The following GSTT4 variants were observed in gnomAD, a reference collection of about 807,000 sequenced individuals.
GSTT4 encodes the protein glutathione S-transferase theta 4, also known as glutathione S-transferase theta-4.
At chr22:23,992,066 A>C in the GSTT4 span, among the ~76,000 whole-genome samples, 1 of 149,042 alleles carries the variant, frequency 6.7e-6, no homozygotes, top group Admixed American at 6.7e-5. Context: ...AAAAAAAAAA[A>C]AAAAAAAGGA....
downstream of GSTT4, among the ~76,000 whole-genome samples, chr22:23,995,128 T>TGACTTGAACTGCTGATGG (rs2034103112): frequency 2.0e-5 from 3 of 151,036 alleles, no homozygotes. Context: ...ACAAGTTTTT[T>TGACTTGAACTGCTGATGG]TTTTGTTTGT....
downstream of GSTT4, among the ~76,000 whole-genome samples, chr22:23,998,174 ATT>A (rs71688406): frequency 0.022 from 3,413 of 152,138 alleles, 22 homozygotes; most frequent in African/African-American, 0.077. Context: ...AGTGTATGCG[ATT>A]GGTTAATCGT....
chr22:24,004,721 C>G (rs536888620), intron 1 of GSTT4: 2 of 153,866 alleles, frequency 1.3e-5, no homozygotes, highest in African/African-American at 2.4e-5. Context: ...CCCTTCTCCT[C>G]GAAAAGCCTG....
the GSTT4 span, among the ~76,000 whole-genome samples, chr22:23,990,816 T>C: frequency 2.0e-3 from 138 of 68,344 alleles, no homozygotes; most frequent in Middle Eastern, 8.8e-3. Flanking sequence ...TGCTGTGCCC[T>C]CTCTAAACCT....
At chr22:24,002,558 C>CGGTGGCTCACGCCTGTAAT (rs1163524300) in intron 2 of GSTT4, among the ~76,000 whole-genome samples, 3 of 36,376 alleles carry the variant, frequency 8.2e-5, no homozygotes, top group Non-Finnish European at 1.7e-4. Flanking sequence ...TGGCTGGGCA[C>CGGTGGCTCACGCCTGTAAT]GGTGGCTCAC....
Position 24,001,215 on chromosome 22 carries a change from G to T in GSTT4, c.311C>A (p.Thr104Lys), listed in dbSNP as rs1214597412. The T allele has an allele frequency of 6.7e-6, 1 of 150,364 alleles. No homozygotes were observed. The highest frequency in any genetic ancestry group is 1.5e-5 in the Non-Finnish European group (1 of 67,588). 9.3% of individuals were successfully genotyped at this position (150,364 alleles called of 1,614,324 possible). A position where few individuals can be genotyped will look rare whatever the true frequency, so the allele number is the denominator to read the frequency against. Residue 104 changes from threonine (T) to lysine (K), a missense_variant, in exon 3 of 5, where the codon ACG becomes AAG. By Grantham distance (78) the Thr-to-Lys change is moderately conservative. Coordinates refer to ENST00000621179, the MANE Select transcript of GSTT4 (RefSeq NM_001358664.2). ...CTTCTTCATGGGCAGCTGAAAGGCC[G>T]TGTGTTGCCAAGCCACGAACTCATC... ...RVDEFVAWQH[T>K]AFQLPMKKIV...
intron 1 of GSTT4, chr22:24,004,989 T>G (rs1418368919): frequency 6.6e-6 from 1 of 152,104 alleles, no homozygotes; most frequent in Non-Finnish European, 1.5e-5. Flanking sequence ...GCCAACATGG[T>G]GAAACCCCTG....
the GSTT4 span, among the ~76,000 whole-genome samples, chr22:23,990,486 G>T: frequency 3.4e-4 from 27 of 78,934 alleles, no homozygotes; most frequent in Admixed American, 5.6e-4. Flanking sequence ...GCTGGGCACG[G>T]GGACGTGCCT....
chr22:23,990,306 C>G, the GSTT4 span, among the ~76,000 whole-genome samples: 1 of 148,276 alleles, frequency 6.7e-6, no homozygotes, highest in East Asian at 2.0e-4. Context: ...CCAAGAAATA[C>G]ATAAAAGTGG....
chr22:23,996,135 G>A (rs2034113048), downstream of GSTT4, among the ~76,000 whole-genome samples: 1 of 151,990 alleles, frequency 6.6e-6, no homozygotes, highest in Admixed American at 6.6e-5. Flanking sequence ...GTAGAGACGG[G>A]GTTTCACCAT....
the GSTT4 span, among the ~76,000 whole-genome samples, chr22:23,990,810 G>C: frequency 1.9e-3 from 132 of 69,566 alleles, no homozygotes; most frequent in Admixed American, 3.1e-3. Flanking sequence ...TGTGCCTGCT[G>C]TGCCCTCTCT....
chr22:24,004,731 G>C (rs1279407417), intron 1 of GSTT4: 1 of 153,372 alleles, frequency 6.5e-6, no homozygotes, highest in Non-Finnish European at 1.5e-5. Context: ...CGAAAAGCCT[G>C]TTCATCTGTG....
chr22:23,998,952 T>C (rs1424291124), intron 4 of GSTT4, among the ~76,000 whole-genome samples: 1 of 152,240 alleles, frequency 6.6e-6, no homozygotes, highest in Non-Finnish European at 1.5e-5. Flanking sequence ...GTCACTGGTC[T>C]TCTTGCTCCA....
the GSTT4 span, among the ~76,000 whole-genome samples, chr22:23,990,507 C>G: frequency 1.2e-5 from 1 of 84,926 alleles, no homozygotes; most frequent in Admixed American, 1.3e-4. Flanking sequence ...GTAGTCCCAA[C>G]TATTCTACTT....
chr22:24,000,193 A>G lies in GSTT4; in HGVS notation c.410T>C (p.Val137Ala), dbSNP rs1286840129. The stretch of plus-strand genomic sequence containing the variant: ...CTGCAGGCTGTTCTTCACCTCTTCC[A>G]CTGCATGCTCCATCTTCTCAGCTGA... ...EVSAEKMEHAVEEVKNSLQLF... is the reference protein window; with the variant it reads ...EVSAEKMEHAAEEVKNSLQLF... The change falls in exon 4 of 5, where the codon GTG becomes GCG. Residue 137 changes from valine (V) to alanine (A), a missense_variant. Physicochemically the swap from Val to Ala is moderately conservative, Grantham distance 64. Transcript: ENST00000621179. 1 of 154,598 alleles carries G rather than the reference A, an allele frequency of 6.5e-6. No homozygotes were observed. Among genetic ancestry groups the G allele is most frequent in the Non-Finnish European group, 1.5e-5 (1 of 68,142 alleles). The allele number at this position is 154,598 out of a possible 1,614,324, so 9.6% of individuals were successfully genotyped here. A position where few individuals can be genotyped will look rare whatever the true frequency, so the allele number is the denominator to read the frequency against.
downstream of GSTT4, among the ~76,000 whole-genome samples, chr22:23,996,909 G>T (rs192458283): frequency 6.6e-6 from 1 of 152,194 alleles, no homozygotes; most frequent in East Asian, 1.9e-4. Flanking sequence ...AAGGCTTTGT[G>T]TTAGTTCTTC....
At chr22:23,992,022 CAGCCTGGGCGACAG>C in the GSTT4 span, among the ~76,000 whole-genome samples, 1 of 138,798 alleles carries the variant, frequency 7.2e-6, no homozygotes, top group Middle Eastern at 4.1e-3. Context: ...CACTGCACTC[CAGCCTGGGCGACAG>C]AGCCATACTC....
chr22:23,990,575 G>A, the GSTT4 span, among the ~76,000 whole-genome samples: 1 of 106,720 alleles, frequency 9.4e-6, no homozygotes, highest in East Asian at 2.3e-4. Flanking sequence ...GCAGTGAGCC[G>A]GGATCATGCC....
intron 3 of GSTT4, among the ~76,000 whole-genome samples, chr22:24,000,772 G>T (rs1274871451): frequency 1.5e-5 from 2 of 129,950 alleles, no homozygotes; most frequent in Non-Finnish European, 1.6e-5. Flanking sequence ...TGTTGGCAAG[G>T]TAGGTCTTGA....
Sources: allele counts gnomAD v4.1 joint callset (sites outside exome capture counted in the v4.1 genomes callset), GRCh38; gene constraint gnomAD v4.1.1; transcripts MANE v1.5; gene names NCBI Gene and HGNC (gene_info 2026-07-23, HGNC 2026-07-21).